The following SUGCT variants were observed in gnomAD, a reference collection of about 807,000 sequenced individuals.
The protein encoded by SUGCT is succinyl-CoA:glutarate CoA-transferase.
A neutral mutation model predicts 55.0 loss-of-function variants in SUGCT; 41 were observed. That is an observed-to-expected ratio of 0.74 (90% CI 0.58 to 0.97). SUGCT has a LOEUF of 0.97. SUGCT is among the 50% of genes least tolerant of loss of function. The pLI is 0.00. For synonymous variants in SUGCT, 187 were observed against 200.4 expected (o/e 0.93, Z 0.56); for missense variants, 568 against 547.8 (o/e 1.04, Z -0.37).
intron 11 of SUGCT, among the ~76,000 whole-genome samples, chr7:40,479,718 A>C (rs1790916869): frequency 6.6e-6 from 1 of 152,116 alleles, no homozygotes; most frequent in African/African-American, 2.4e-5. Context: ...TCATTATAAC[A>C]GATTTGAGGT....
intron 13 of SUGCT, among the ~76,000 whole-genome samples, chr7:40,822,264 T>C (rs1792058442): frequency 6.6e-6 from 1 of 152,228 alleles, no homozygotes; most frequent in Admixed American, 6.5e-5. Context: ...GAGAGTTCTA[T>C]AGATGTCTAT....
At chr7:40,942,460 G>T in the SUGCT span, among the ~76,000 whole-genome samples, 1 of 152,154 alleles carries the variant, frequency 6.6e-6, no homozygotes, top group East Asian at 1.9e-4. Context: ...TCCTTTGTAG[G>T]TTACATGATA....
intron 9 of SUGCT, among the ~76,000 whole-genome samples, chr7:40,355,774 A>G (rs887791131): frequency 6.6e-6 from 1 of 152,170 alleles, no homozygotes; most frequent in East Asian, 1.9e-4. Context: ...ATTGATTTCA[A>G]ATGTTTGTCT....
intron 12 of SUGCT, among the ~76,000 whole-genome samples, chr7:40,549,515 T>A (rs1004743595): frequency 2.0e-5 from 3 of 152,140 alleles, no homozygotes; most frequent in Non-Finnish European, 4.4e-5. Context: ...TTATCTAGTG[T>A]GAACATTGGA....
intron 9 of SUGCT, among the ~76,000 whole-genome samples, chr7:40,340,374 T>TA (rs139344825): frequency 1.3e-3 from 188 of 145,846 alleles, no homozygotes; most frequent in Middle Eastern, 3.5e-3. Context: ...AGGCCAAAAA[T>TA]AAAAAAAAAA....
rs908855386 is a variant in SUGCT, at chr7:40,848,829, A to G, written c.1154-11487A>G. 3.3e-5 allele frequency among the ~76,000 whole-genome samples: 5 copies of G among 152,264 alleles called. No homozygotes were observed. In the East Asian group the frequency reaches 9.6e-4, roughly 29 times the overall value. ...TTTTTCTCTATGGCCTTATCTCACC[A>G]TTCCATGCTAGTTAAATAGCTTTCT... On this transcript the variant is annotated intron_variant, in intron 13 of 13. Coordinates refer to ENST00000335693, the MANE Select transcript of SUGCT (RefSeq NM_001193313.2).
chr7:40,698,415 T>G (rs561747429), intron 12 of SUGCT, among the ~76,000 whole-genome samples: 1 of 152,278 alleles, frequency 6.6e-6, no homozygotes, highest in South Asian at 2.1e-4. Flanking sequence ...TGCAGAATCC[T>G]CACCCTGTGT....
At chr7:41,017,301 T>C in the SUGCT span, among the ~76,000 whole-genome samples, 1 of 151,778 alleles carries the variant, frequency 6.6e-6, no homozygotes, top group Admixed American at 6.6e-5. Context: ...AGCATGAAGT[T>C]TCTACTGAGC....
the SUGCT span, among the ~76,000 whole-genome samples, chr7:40,898,497 G>GGGGGGGGA: frequency 1.1e-5 from 1 of 92,156 alleles, no homozygotes; most frequent in Non-Finnish European, 2.5e-5. Context: ...GGGGGGGGGG[G>GGGGGGGGA]TGGATCACGA....
chr7:40,195,132 C>A (rs1786171134), intron 6 of SUGCT, 72 bp downstream of exon 6: 8 of 1,331,712 alleles, frequency 6.0e-6, no homozygotes, highest in Admixed American at 2.8e-5. Context: ...CTATAAGAAA[C>A]CTTTTGCTGG....
chr7:40,882,840 T>C, the SUGCT span, among the ~76,000 whole-genome samples: 1 of 152,224 alleles, frequency 6.6e-6, no homozygotes, highest in African/African-American at 2.4e-5. Flanking sequence ...TTTTTTTTAT[T>C]CTAGGAGCAA....
chr7:40,368,975 G>T (rs1465071030), intron 9 of SUGCT, among the ~76,000 whole-genome samples: 1 of 152,050 alleles, frequency 6.6e-6, no homozygotes. Flanking sequence ...ATGGTGGCGG[G>T]TGCCTGTAAT....
chr7:40,570,850 C>CTTTTTTTTTTTTTTTTTT lies in SUGCT; in HGVS notation c.1089+74474_1089+74491dup, dbSNP rs776733346. ...CCCCTCTGGGCAAAAGCTTTAGGCTCTTTTTTTTTTTTTTTTTTTTTTTTT... is the reference window on the plus strand; with the variant it reads ...CCCCTCTGGGCAAAAGCTTTAGGCTCTTTTTTTTTTTTTTTTTTTTTTTTTTTTTTTTTTTTTTTTTTT... On this transcript the variant is annotated intron_variant, in intron 12 of 13. Transcript: ENST00000335693. Among the ~76,000 whole-genome samples, 36 of 52,304 alleles carry CTTTTTTTTTTTTTTTTTT rather than the reference C, an allele frequency of 6.9e-4. 6 individuals carry two copies. Among genetic ancestry groups the CTTTTTTTTTTTTTTTTTT allele is most frequent in the African/African-American group, 3.0e-3 (35 of 11,526 alleles). The allele number at this position is 52,304 out of a possible 152,430, so 34.3% of individuals were successfully genotyped here. A position where few individuals can be genotyped will look rare whatever the true frequency, so the allele number is the denominator to read the frequency against.
chr7:40,342,647 CT>C (rs67932481), intron 9 of SUGCT, among the ~76,000 whole-genome samples: 140,066 of 146,880 alleles, frequency 0.95, 66,796 homozygotes, highest in East Asian at 1. Context: ...TAAACGTGTA[CT>C]TTTTTTTTTT....
the SUGCT span, among the ~76,000 whole-genome samples, chr7:40,866,783 T>C: frequency 6.6e-6 from 1 of 152,112 alleles, no homozygotes. Context: ...AAGCCCAGCA[T>C]GCAGGCCAGA....
At chr7:40,895,664 C>T in the SUGCT span, among the ~76,000 whole-genome samples, 5 of 152,102 alleles carry the variant, frequency 3.3e-5, no homozygotes, top group African/African-American at 1.2e-4. Context: ...TAAAAAACCT[C>T]AACACATTAG....
At chr7:40,397,859 T>C (rs1418271681) in intron 9 of SUGCT, among the ~76,000 whole-genome samples, 1 of 152,154 alleles carries the variant, frequency 6.6e-6, no homozygotes, top group East Asian at 1.9e-4. Flanking sequence ...GTCCACTCTG[T>C]GTTTTCCTTC....
chr7:40,473,184 A>C (rs889946969), intron 11 of SUGCT, among the ~76,000 whole-genome samples: 6 of 152,156 alleles, frequency 3.9e-5, no homozygotes, highest in African/African-American at 1.4e-4. Flanking sequence ...CTAACAATTT[A>C]TGCATGCTGT....
At chr7:40,766,315 A>G (rs1043436810) in intron 13 of SUGCT, among the ~76,000 whole-genome samples, 5 of 152,080 alleles carry the variant, frequency 3.3e-5, no homozygotes, top group East Asian at 1.9e-4. Flanking sequence ...GGTTCAAGCA[A>G]TTCTCCCACC....
Sources: allele counts gnomAD v4.1 joint callset (sites outside exome capture counted in the v4.1 genomes callset), GRCh38; gene constraint gnomAD v4.1.1; transcripts MANE v1.5; gene names NCBI Gene and HGNC (gene_info 2026-07-23, HGNC 2026-07-21).